The following REV3L variants were observed in gnomAD, a reference collection of about 807,000 sequenced individuals.
REV3L encodes the protein REV3 like, DNA directed polymerase zeta catalytic subunit.
REV3L carries 69 observed loss-of-function variants against 299.4 expected under a neutral mutation model. The ratio of observed to expected loss-of-function variants is 0.23; its 90% confidence interval spans 0.19 to 0.28. REV3L has a LOEUF of 0.28. Among genes scored for constraint, REV3L ranks in the 10% least tolerant of loss-of-function variants. The pLI, the probability that REV3L is intolerant of heterozygous loss-of-function variation, is 1.00. For synonymous variants in REV3L, 1,238 were observed against 1,271.4 expected (o/e 0.97, Z 0.56); for missense variants, 3,128 against 3,693.8 (o/e 0.85, Z 3.97).
At position 111,450,478 on chromosome 6, in the gene REV3L, C is replaced by CAAAAAAA. The variant is rs869119350; in HGVS notation, c.139+32265_139+32271dup. Among the ~76,000 whole-genome samples the CAAAAAAA allele has an allele frequency of 1.1e-3, 60 of 54,102 alleles. 1 individual carries two copies. The highest frequency in any genetic ancestry group is 3.6e-3 in the African/African-American group (33 of 9,128). The allele number at this position is 54,102 out of a possible 152,430, so 35.5% of individuals were successfully genotyped here. A position where few individuals can be genotyped will look rare whatever the true frequency, so the allele number is the denominator to read the frequency against. ...CGGGTGACAGAGCAAGACCCTGTCT[C>CAAAAAAA]AAAAAAAAAAAAAAAAAAAAAAAAA... On this transcript the variant is annotated intron_variant, in intron 1 of 31. Transcript: ENST00000368802.
At position 111,373,092 on chromosome 6, in the gene REV3L, A is replaced by C. The variant is rs200772997; in HGVS notation, c.5263T>G (p.Ser1755Ala). ...KNSFHPLTTR[S>A]NSIMDSFCVQ... ...CAGAAAGAATCCATTATTGAGTTAG[A>C]CCGAGTTGTTAGAGGATGAAAGCTA... The change falls in exon 13 of 32, where the codon TCT (serine) becomes GCT (alanine). Residue 1755 changes from serine (S) to alanine (A), a missense_variant. Ser to Ala is a moderately conservative substitution (Grantham distance 99). Coordinates refer to ENST00000368802, the MANE Select transcript of REV3L (RefSeq NM_001372078.1). 1.2e-6 allele frequency: 2 copies of C among 1,614,100 alleles called. No homozygotes were observed. Among genetic ancestry groups the C allele is most frequent in the African/African-American group, 2.7e-5 (2 of 75,018 alleles).
chr6:111,302,267 T>C (rs547083628), intron 31 of REV3L, among the ~76,000 whole-genome samples: 1 of 152,368 alleles, frequency 6.6e-6, no homozygotes, highest in East Asian at 1.9e-4. Context: ...GCCAAGAGAC[T>C]CAAATCTATT....
At chr6:111,401,840 G>A (rs1355340441) in intron 4 of REV3L, among the ~76,000 whole-genome samples, 2 of 152,172 alleles carry the variant, frequency 1.3e-5, no homozygotes, top group African/African-American at 4.8e-5. Flanking sequence ...GCCAGGCATG[G>A]TGGCTCATGC....
At chr6:111,317,682 G>A (rs1470070603) in intron 26 of REV3L, among the ~76,000 whole-genome samples, 1 of 152,084 alleles carries the variant, frequency 6.6e-6, no homozygotes, top group Non-Finnish European at 1.5e-5. Flanking sequence ...TTATATAAAT[G>A]AGCTGGGTAC....
Position 111,374,986 on chromosome 6 carries a change from AG to A in REV3L, c.3368del (p.Ser1123PhefsTer42). 1 of 1,612,666 alleles carries A rather than the reference AG, an allele frequency of 6.2e-7. No homozygotes were observed. Among genetic ancestry groups the A allele is most frequent in the African/African-American group, 1.3e-5 (1 of 74,978 alleles). On this transcript the variant is annotated frameshift_variant, in exon 13 of 32. Transcript: ENST00000368802. LOFTEE classifies it high-confidence loss of function. The stretch of plus-strand genomic sequence containing the variant: ...TGGGAGACCAGCAGCGAGGTGGAGA[AG>A]AATTTATGGGACTTGTGCTTCTCTC... ...LSERSTSPIN[S>X]SPPRCWSPTD...
intron 4 of REV3L, among the ~76,000 whole-genome samples, chr6:111,401,080 T>A (rs1021745327): frequency 6.6e-6 from 1 of 152,196 alleles, no homozygotes; most frequent in African/African-American, 2.4e-5. Flanking sequence ...CAAATATAGG[T>A]CTATTTCTGG....
At chr6:111,422,598 A>G (rs1294992805) in intron 1 of REV3L, among the ~76,000 whole-genome samples, 4 of 14,762 alleles carry the variant, frequency 2.7e-4, no homozygotes, top group African/African-American at 9.6e-4. Context: ...ATATATACAC[A>G]TATATATATA....
intron 26 of REV3L, among the ~76,000 whole-genome samples, chr6:111,316,225 A>T (rs1174995627): frequency 7.5e-6 from 1 of 132,738 alleles, no homozygotes; most frequent in Non-Finnish European, 1.6e-5. Context: ...GACTCCATCT[A>T]AAAAAAAAAA....
chr6:111,474,988 TACACACACACAC>T (rs36213449), intron 1 of REV3L, among the ~76,000 whole-genome samples: 21 of 145,948 alleles, frequency 1.4e-4, no homozygotes, highest in African/African-American at 2.1e-4. Flanking sequence ...TGCCTATATA[TACACACACACAC>T]ACACACACAC....
rs778684109 is a variant in REV3L, at chr6:111,374,452, T to A, written c.3903A>T (p.Glu1301Asp). Residue 1301 changes from glutamate (E) to aspartate (D), a missense_variant, in exon 13 of 32, where the codon GAA becomes GAT. Physicochemically the swap from Glu to Asp is conservative, Grantham distance 45. Transcript: ENST00000368802. The part of the protein sequence containing the change: ...KLSGCFSSFL[E>D]SKKSVDLQTF... ...TCTGCAAATCTACAGACTTCTTGCT[T>A]TCTAAGAAAGAAGAAAAGCAGCCAG... 1.9e-6 allele frequency: 3 copies of A among 1,614,014 alleles called. No homozygotes were observed. The Admixed American group carries it at 5.0e-5, about 27-fold the overall frequency.
intron 1 of REV3L, among the ~76,000 whole-genome samples, chr6:111,454,600 C>T (rs1465550849): frequency 6.6e-6 from 1 of 152,108 alleles, no homozygotes; most frequent in Non-Finnish European, 1.5e-5. Context: ...TGTTTGTTCT[C>T]TATAAATTTG....
Position 111,357,030 on chromosome 6 carries a change from C to T in REV3L, c.7168G>A (p.Ala2390Thr), listed in dbSNP as rs201451494. 7 of 1,588,946 alleles carry T rather than the reference C, an allele frequency of 4.4e-6. No individual in the cohort carries two copies. Among genetic ancestry groups the T allele is most frequent in the Non-Finnish European group, 6.0e-6 (7 of 1,164,488 alleles). The change falls in exon 18 of 32, where the codon GCA (alanine) becomes ACA (threonine). Residue 2390 changes from alanine (A) to threonine (T), a missense_variant. By Grantham distance (58) the Ala-to-Thr change is moderately conservative. Around this residue, in one of 9 missense-constraint regions of REV3L, gnomAD observed 82 missense variants for 142.7 expected, o/e 0.57. Coordinates refer to ENST00000368802, the MANE Select transcript of REV3L (RefSeq NM_001372078.1). ...AAACAATACCTCTTTATTATATTTG[C>T]AATTTCATGAAAAAGTGCCTTCTCA... ...ADEKALFHEI[A>T]NIIKRYDPDI...
chr6:111,474,705 T>C (rs1212629857), intron 1 of REV3L, among the ~76,000 whole-genome samples: 8 of 152,288 alleles, frequency 5.3e-5, no homozygotes, highest in Middle Eastern at 3.4e-3. Context: ...TAACTAAAGT[T>C]AAAAACAGTA....
chr6:111,422,067 T>C (rs1785422647), intron 1 of REV3L, among the ~76,000 whole-genome samples: 1 of 152,178 alleles, frequency 6.6e-6, no homozygotes, highest in African/African-American at 2.4e-5. Flanking sequence ...AAATTAGATT[T>C]TCAGAATTTA....
At position 111,417,129 on chromosome 6, in the gene REV3L, C is replaced by T. The variant is rs1050055258; in HGVS notation, c.140-657G>A. ...GTATGGAACAAGGGGAGACAAAAGGCCAACATGCACACTTCTCAGAAAACC... is the reference window on the plus strand; with the variant it reads ...GTATGGAACAAGGGGAGACAAAAGGTCAACATGCACACTTCTCAGAAAACC... On this transcript the variant is annotated intron_variant, in intron 1 of 31. Coordinates refer to ENST00000368802, the MANE Select transcript of REV3L (RefSeq NM_001372078.1). 3.3e-5 allele frequency among the ~76,000 whole-genome samples: 5 copies of T among 152,038 alleles called. No individual in the cohort carries two copies. The South Asian group carries it at 1.0e-3, about 32-fold the overall frequency.
intron 5 of REV3L, among the ~76,000 whole-genome samples, chr6:111,390,922 A>G (rs1014618691): frequency 1.3e-5 from 2 of 152,094 alleles, no homozygotes; most frequent in African/African-American, 4.8e-5. Flanking sequence ...AAGAGATAAC[A>G]TCTAGTGTGG....
At chr6:111,304,008 C>T (rs1471500415) in intron 31 of REV3L, among the ~76,000 whole-genome samples, 1 of 152,110 alleles carries the variant, frequency 6.6e-6, no homozygotes, top group African/African-American at 2.4e-5. Flanking sequence ...GCATGAGTCA[C>T]CACACCTGGC....
rs760721672 is a variant in REV3L at position 111,375,913 on chromosome 6, T to C, written c.2442A>G (p.Leu814=). 13 of 1,614,030 alleles carry C rather than the reference T, an allele frequency of 8.1e-6. No individual in the cohort carries two copies. The South Asian group carries it at 9.9e-5, about 12-fold the overall frequency. ...GTTGTAATTTATATGTGACAGGAGA[T>C]AGTTTCTGTGGTCTAGTAAGACAGT... ...LSNCLTRPQK[L]SPVTYKLQPG... is the part of the protein sequence containing the mutation. Residue 814 remains leucine (L), a synonymous_variant, in exon 13 of 32, where the codon CTA becomes CTG. Transcript: ENST00000368802.
intron 27 of REV3L, 23 bp downstream of exon 27, chr6:111,315,244 T>TA: frequency 6.6e-7 from 1 of 1,522,764 alleles, no homozygotes; most frequent in Non-Finnish European, 9.1e-7. Flanking sequence ...TATATGTAAT[T>TA]ACTAATATTA....
Sources: allele counts gnomAD v4.1 joint callset (sites outside exome capture counted in the v4.1 genomes callset), GRCh38; gene constraint gnomAD v4.1.1; regional missense constraint gnomAD v4.1.1; transcripts MANE v1.5; gene names NCBI Gene and HGNC (gene_info 2026-07-23, HGNC 2026-07-21).